Variants in SLC9A9 observed in about 807,000 individuals in gnomAD.
The protein encoded by SLC9A9 is solute carrier family 9 member A9, also known as sodium/hydrogen exchanger 9.
Under a neutral mutation model 77.8 loss-of-function variants are expected in SLC9A9, and 62 were observed. The observed-to-expected ratio is 0.80, with a 90% confidence interval of 0.65 to 0.98. The LOEUF (loss-of-function observed/expected upper bound fraction) is 0.98, where lower values mean the gene tolerates loss of function less well. SLC9A9 is among the 50% of genes least tolerant of loss of function. SLC9A9 has a pLI of 0.00. For missense variants in SLC9A9, 775 were observed against 774.9 expected (o/e 1.00, Z 0.00); for synonymous variants, 320 against 283.5 (o/e 1.13, Z -1.29).
intron 11 of SLC9A9, among the ~76,000 whole-genome samples, chr3:143,474,637 C>T (rs978120179): frequency 1.3e-5 from 2 of 151,780 alleles, no homozygotes; most frequent in African/African-American, 2.4e-5. Flanking sequence ...GTTGTGTTCC[C>T]GCTTTATTAC....
Position 143,574,142 on chromosome 3 carries a change from A to G in SLC9A9, c.946T>C (p.Phe316Leu). Reference sequence around the variant, plus strand: ...AAGGCACTCCAAGAAAGCAGGAAAAACAGGCCGGTTTCCAGCATCGGGAAC... The same window carrying G: ...AAGGCACTCCAAGAAAGCAGGAAAAGCAGGCCGGTTTCCAGCATCGGGAAC... Reference protein sequence around the residue: ...CEFPMLETGLFFLLSWSAFLS... With the variant: ...CEFPMLETGLLFLLSWSAFLS... Residue 316 changes from phenylalanine (F) to leucine (L), a missense_variant, in exon 8 of 16, where the codon TTT becomes CTT. Transcript: ENST00000316549. 1.2e-6 allele frequency: 2 copies of G among 1,613,606 alleles called. No individual in the cohort carries two copies. Among genetic ancestry groups the G allele is most frequent in the Non-Finnish European group, 1.7e-6 (2 of 1,179,648 alleles).
At chr3:143,285,304 T>G (rs1938352664) in intron 14 of SLC9A9, among the ~76,000 whole-genome samples, 1 of 152,204 alleles carries the variant, frequency 6.6e-6, no homozygotes, top group Non-Finnish European at 1.5e-5. Context: ...TCATTAGAAC[T>G]ACACTATTAA....
At chr3:143,331,715 CCATTCATTTATTCATT>C (rs1430561295) in intron 14 of SLC9A9, among the ~76,000 whole-genome samples, 2 of 152,184 alleles carry the variant, frequency 1.3e-5, no homozygotes, top group Non-Finnish European at 2.9e-5. Context: ...ACCAAGGAGT[CCATTCATTTATTCATT>C]CATTCATTTA....
chr3:143,748,017 G>C (rs1051077333), intron 4 of SLC9A9, among the ~76,000 whole-genome samples: 3 of 152,166 alleles, frequency 2.0e-5, no homozygotes, highest in Admixed American at 6.5e-5. Flanking sequence ...TCCTAAGTCT[G>C]CGATTGAGCC....
At chr3:143,291,305 A>C (rs1482262385) in intron 14 of SLC9A9, among the ~76,000 whole-genome samples, 5 of 152,148 alleles carry the variant, frequency 3.3e-5, no homozygotes, top group African/African-American at 1.2e-4. Flanking sequence ...TGCTAAGCCG[A>C]TGAGACTTAG....
intron 1 of SLC9A9, among the ~76,000 whole-genome samples, chr3:143,843,039 ATCT>A (rs2009744794): frequency 6.6e-6 from 1 of 152,180 alleles, no homozygotes; most frequent in Non-Finnish European, 1.5e-5. Flanking sequence ...AAAATAATGC[ATCT>A]AGCTACTGAA....
At chr3:143,785,902 G>C (rs2008040095) in intron 4 of SLC9A9, among the ~76,000 whole-genome samples, 1 of 142,490 alleles carries the variant, frequency 7.0e-6, no homozygotes, top group African/African-American at 2.6e-5. Context: ...TGTCGCCCAG[G>C]CTGGAGTGCA....
At chr3:143,597,162 G>A (rs112025925) in intron 6 of SLC9A9, among the ~76,000 whole-genome samples, 1 of 152,200 alleles carries the variant, frequency 6.6e-6, no homozygotes, top group Non-Finnish European at 1.5e-5. Flanking sequence ...CAAGTTTGGT[G>A]CGCAGGCACA....
At position 143,565,000 on chromosome 3, in the gene SLC9A9, C is replaced by T. The variant is rs961888108; in HGVS notation, c.1000+9088G>A. Among the ~76,000 whole-genome samples, 9 of 152,294 alleles carry T rather than the reference C, an allele frequency of 5.9e-5. No individual in the cohort carries two copies. In the South Asian group the frequency reaches 6.2e-4, roughly 11 times the overall value. ...TTTTGGTGTTCATTAGGCTTACCCT[C>T]CTTACCCTGGTTTCTTTCTAGTTCC... On this transcript the variant is annotated intron_variant, in intron 8 of 15. Coordinates refer to ENST00000316549, the MANE Select transcript of SLC9A9 (RefSeq NM_173653.4).
intron 1 of SLC9A9, 140 bp downstream of exon 1, chr3:143,848,008 C>T (rs995667582): frequency 6.7e-6 from 6 of 892,594 alleles, no homozygotes; most frequent in South Asian, 4.5e-5. Flanking sequence ...GCATTCGTTA[C>T]GCTGCAGCAC....
rs73154729 is a variant in SLC9A9 at position 143,759,174 on chromosome 3, C to T, written c.533+35827G>A. Reference sequence around the variant, plus strand: ...ATCTGATCTCATTAGGCTCCCCAGCCTCCTTCCCCATCTAACACTGCTATT... The same window carrying T: ...ATCTGATCTCATTAGGCTCCCCAGCTTCCTTCCCCATCTAACACTGCTATT... On this transcript the variant is annotated intron_variant, in intron 4 of 15. Coordinates refer to ENST00000316549, the MANE Select transcript of SLC9A9 (RefSeq NM_173653.4). Among the ~76,000 whole-genome samples the T allele has an allele frequency of 4.2e-3, 643 of 152,214 alleles. 5 individuals carry two copies. Among genetic ancestry groups the T allele is most frequent in the Non-Finnish European group, 6.3e-3 (428 of 68,000 alleles).
At chr3:143,447,724 G>A (rs1029309162) in intron 12 of SLC9A9, among the ~76,000 whole-genome samples, 1 of 152,142 alleles carries the variant, frequency 6.6e-6, no homozygotes, top group South Asian at 2.1e-4. Context: ...GCAAACAGGA[G>A]AATAGAGCAT....
At chr3:143,279,780 T>C (rs1259828282) in intron 14 of SLC9A9, among the ~76,000 whole-genome samples, 1 of 152,192 alleles carries the variant, frequency 6.6e-6, no homozygotes, top group Non-Finnish European at 1.5e-5. Context: ...TTTCATGGTA[T>C]ATATGGGGCA....
chr3:143,266,404 A>T lies in SLC9A9; in HGVS notation c.*298T>A. 5.4e-6 allele frequency: 3 copies of T among 551,246 alleles called. No individual in the cohort carries two copies. The highest frequency in any genetic ancestry group is 9.7e-6 in the Non-Finnish European group (3 of 308,202). The allele number at this position is 551,246 out of a possible 1,614,324, so 34.1% of individuals were successfully genotyped here. ...CGCAGCAGAAATGCCCTGAAGACCC[A>T]GCACAGCTGTCCCATCCTCCAGCAG... is the stretch of plus-strand genomic sequence containing the variant. On this transcript the variant is annotated 3_prime_UTR_variant, in exon 16 of 16. Coordinates refer to ENST00000316549, the MANE Select transcript of SLC9A9 (RefSeq NM_173653.4).
chr3:143,621,010 GCTC>G (rs2038201102), intron 6 of SLC9A9, among the ~76,000 whole-genome samples: 1 of 152,138 alleles, frequency 6.6e-6, no homozygotes, highest in Non-Finnish European at 1.5e-5. Context: ...ATGGAGCCTC[GCTC>G]ATTGCTAGCA....
chr3:143,631,913 A>G (rs2038432507), intron 6 of SLC9A9, among the ~76,000 whole-genome samples: 1 of 152,170 alleles, frequency 6.6e-6, no homozygotes, highest in Non-Finnish European at 1.5e-5. Flanking sequence ...GCTCCTGACT[A>G]TGATTCCCAC....
chr3:143,346,730 T>G (rs1207708274), intron 14 of SLC9A9, among the ~76,000 whole-genome samples: 3 of 148,652 alleles, frequency 2.0e-5, no homozygotes, highest in East Asian at 3.9e-4. Context: ...GAGGCGGAGG[T>G]TGCCGTGAGC....
In SLC9A9 at chr3:143,511,687, G is replaced by A. The variant is rs556786731; in HGVS notation, c.1090-16239C>T. ...GGACCTTGTCCAGGCATAACTGGGG[G>A]TATGACGTAGTCTGTGGCCTAAGCC... is the stretch of plus-strand genomic sequence containing the variant. On this transcript the variant is annotated intron_variant, in intron 9 of 15. Coordinates refer to ENST00000316549, the MANE Select transcript of SLC9A9 (RefSeq NM_173653.4). Among the ~76,000 whole-genome samples, 6 of 152,282 alleles carry A rather than the reference G, an allele frequency of 3.9e-5. No homozygotes were observed. In the South Asian group the frequency reaches 1.2e-3, roughly 32 times the overall value.
At chr3:143,628,214 C>T (rs1409949781) in intron 6 of SLC9A9, among the ~76,000 whole-genome samples, 1 of 152,104 alleles carries the variant, frequency 6.6e-6, no homozygotes, top group Non-Finnish European at 1.5e-5. Context: ...AGAAAGGGTA[C>T]AGATGCACCT....
Sources: allele counts gnomAD v4.1 joint callset (sites outside exome capture counted in the v4.1 genomes callset), GRCh38; gene constraint gnomAD v4.1.1; transcripts MANE v1.5; gene names NCBI Gene and HGNC (gene_info 2026-07-23, HGNC 2026-07-21).